NALF1: variants seen among roughly 807,000 people sequenced by gnomAD.
NALF1 encodes the protein family with sequence similarity 155 member A.
Under a neutral mutation model 48.4 loss-of-function variants are expected in NALF1, and 3 were observed. The ratio of observed to expected loss-of-function variants is 0.06; its 90% confidence interval spans 0.03 to 0.16. NALF1 has a LOEUF of 0.16. NALF1 is among the 10% of genes least tolerant of loss of function. The probability of loss-of-function intolerance (pLI) is 1.00; values close to 1 mark genes in which losing one functional copy is unlikely to be tolerated. For synonymous variants in NALF1, 262 were observed against 245.7 expected (o/e 1.07, Z -0.62); for missense variants, 526 against 571.5 (o/e 0.92, Z 0.81).
chr13:107,174,625 G>A (rs1311580146), intron 2 of NALF1, among the ~76,000 whole-genome samples: 1 of 152,050 alleles, frequency 6.6e-6, no homozygotes, highest in Non-Finnish European at 1.5e-5. Flanking sequence ...AGAGTGCTGG[G>A]AATACAGGCT....
Position 107,856,145 on chromosome 13 carries a change from G to A in NALF1, c.915+9537C>T, listed in dbSNP as rs143994889. ...TGATCTCAAACTCCTGAACTCAAGC[G>A]ATCCTCCTGTCTTAGCCTCCCAAAG... On this transcript the variant is annotated intron_variant, in intron 1 of 2. Coordinates refer to ENST00000375915, the MANE Select transcript of NALF1 (RefSeq NM_001080396.3). Among the ~76,000 whole-genome samples, 12 of 152,274 alleles carry A rather than the reference G, an allele frequency of 7.9e-5. No individual in the cohort carries two copies. In the East Asian group the frequency reaches 1.9e-3, roughly 25 times the overall value.
intron 1 of NALF1, among the ~76,000 whole-genome samples, chr13:107,837,119 G>A (rs549616953): frequency 7.9e-5 from 12 of 152,212 alleles, no homozygotes; most frequent in African/African-American, 9.6e-5. Flanking sequence ...ACCAGCTACC[G>A]GTTACATGCA....
At chr13:107,684,540 G>A (rs1402730928) in intron 1 of NALF1, among the ~76,000 whole-genome samples, 1 of 152,118 alleles carries the variant, frequency 6.6e-6, no homozygotes, top group Non-Finnish European at 1.5e-5. Flanking sequence ...GAGGACTCTG[G>A]GGATAGAGTG....
intron 1 of NALF1, among the ~76,000 whole-genome samples, chr13:107,231,471 T>C (rs1236961389): frequency 6.6e-6 from 1 of 152,218 alleles, no homozygotes; most frequent in Non-Finnish European, 1.5e-5. Context: ...ATTGTAACTA[T>C]TTGAAGTTGC....
intron 2 of NALF1, among the ~76,000 whole-genome samples, chr13:107,188,808 C>A (rs772804255): frequency 6.6e-6 from 1 of 152,116 alleles, no homozygotes; most frequent in Non-Finnish European, 1.5e-5. Context: ...ATAATGAATG[C>A]GCTAATTCAC....
intron 1 of NALF1, among the ~76,000 whole-genome samples, chr13:107,473,747 C>T (rs1024107979): frequency 6.6e-6 from 1 of 152,154 alleles, no homozygotes; most frequent in African/African-American, 2.4e-5. Context: ...GCTCCCTGCC[C>T]CAATGGTTTG....
intron 1 of NALF1, among the ~76,000 whole-genome samples, chr13:107,432,897 T>C (rs1013873512): frequency 3.3e-5 from 5 of 152,170 alleles, no homozygotes; most frequent in Non-Finnish European, 7.4e-5. Context: ...TGGTGGCAAA[T>C]AACTTATGGT....
At chr13:107,713,465 G>C (rs1875662108) in intron 1 of NALF1, among the ~76,000 whole-genome samples, 1 of 152,146 alleles carries the variant, frequency 6.6e-6, no homozygotes, top group African/African-American at 2.4e-5. Flanking sequence ...TTACATGAAT[G>C]ATTTCCTACA....
At chr13:107,263,038 G>A (rs2138856020) in intron 1 of NALF1, among the ~76,000 whole-genome samples, 1 of 152,238 alleles carries the variant, frequency 6.6e-6, no homozygotes, top group African/African-American at 2.4e-5. Context: ...CAAAGGTGAG[G>A]AAGAGTTGAG....
intron 1 of NALF1, among the ~76,000 whole-genome samples, chr13:107,720,405 G>C (rs1875948553): frequency 6.6e-6 from 1 of 151,414 alleles, no homozygotes. Flanking sequence ...CAGCTACTTG[G>C]GAGGCTGAGG....
intron 1 of NALF1, among the ~76,000 whole-genome samples, chr13:107,780,503 CT>C (rs201071204): frequency 0.14 from 19,805 of 144,074 alleles, 1,439 homozygotes; most frequent in Admixed American, 0.24. Context: ...AGAGTTTTAA[CT>C]TTTTTTTTTT....
intron 1 of NALF1, among the ~76,000 whole-genome samples, chr13:107,641,249 TAGGA>T (rs1880147497): frequency 6.6e-6 from 1 of 152,092 alleles, no homozygotes; most frequent in Non-Finnish European, 1.5e-5. Flanking sequence ...TCCCAGAGGC[TAGGA>T]AGGGTCAGAT....
At chr13:107,828,591 CTA>C (rs1389563252) in intron 1 of NALF1, among the ~76,000 whole-genome samples, 13 of 74,368 alleles carry the variant, frequency 1.7e-4, no homozygotes, top group South Asian at 1.0e-3. Flanking sequence ...ATCTATCTAT[CTA>C]TATCTATATC....
chr13:107,766,444 C>G (rs1049668507), intron 1 of NALF1, among the ~76,000 whole-genome samples: 4 of 152,028 alleles, frequency 2.6e-5, no homozygotes, highest in Admixed American at 2.6e-4. Context: ...AATTTCCTTT[C>G]AAGGGAAATT....
At chr13:107,616,884 T>C (rs1879394355) in intron 1 of NALF1, among the ~76,000 whole-genome samples, 1 of 152,130 alleles carries the variant, frequency 6.6e-6, no homozygotes, top group African/African-American at 2.4e-5. Flanking sequence ...TCAGGTGCTG[T>C]CTGTGGATTG....
chr13:107,276,606 T>C (rs1042416963), intron 1 of NALF1, among the ~76,000 whole-genome samples: 2 of 152,290 alleles, frequency 1.3e-5, no homozygotes, highest in African/African-American at 4.8e-5. Context: ...AAGAAGATAT[T>C]TATATGCCTG....
intron 1 of NALF1, among the ~76,000 whole-genome samples, chr13:107,390,560 G>A (rs1323887184): frequency 1.3e-5 from 2 of 152,058 alleles, no homozygotes; most frequent in East Asian, 1.9e-4. Flanking sequence ...TTGCCTGGGC[G>A]ACAGAGCGAG....
chr13:107,475,787 C>T (rs1210011629), intron 1 of NALF1, among the ~76,000 whole-genome samples: 1 of 152,102 alleles, frequency 6.6e-6, no homozygotes, highest in East Asian at 1.9e-4. Flanking sequence ...AAGATTATTT[C>T]CTCATATAAA....
chr13:107,707,306 C>G (rs943773551), intron 1 of NALF1, among the ~76,000 whole-genome samples: 1 of 152,134 alleles, frequency 6.6e-6, no homozygotes, highest in Non-Finnish European at 1.5e-5. Flanking sequence ...TATTTTCCTT[C>G]TTGAGTCATA....
Sources: allele counts gnomAD v4.1 joint callset (sites outside exome capture counted in the v4.1 genomes callset), GRCh38; gene constraint gnomAD v4.1.1; transcripts MANE v1.5; gene names NCBI Gene and HGNC (gene_info 2026-07-23, HGNC 2026-07-21).